AXDND1: variants seen among roughly 807,000 people sequenced by gnomAD.
AXDND1 encodes the protein axonemal dynein light chain domain-containing protein 1.
AXDND1 carries 110 observed loss-of-function variants against 137.5 expected under a neutral mutation model. The ratio of observed to expected loss-of-function variants is 0.80; its 90% CI spans 0.69 to 0.94. The LOEUF (loss-of-function observed/expected upper bound fraction) is 0.94. AXDND1 is among the 40% of genes least tolerant of loss of function. The pLI, the probability that AXDND1 is intolerant of heterozygous loss-of-function variation, is 0.00. For missense variants in AXDND1, 1,191 were observed against 1,169.8 expected, an observed-to-expected ratio of 1.02 and a Z score of -0.26; for synonymous variants, 414 against 399.7, an observed-to-expected ratio of 1.04 and a Z score of -0.43.
intron 23 of AXDND1, among the ~76,000 whole-genome samples, chr1:179,528,873 C>T (rs1572180331): frequency 6.6e-6 from 1 of 152,064 alleles, no homozygotes; most frequent in East Asian, 1.9e-4. Flanking sequence ...ACTGCAGACG[C>T]GAGCTATTGC....
intron 4 of AXDND1, among the ~76,000 whole-genome samples, chr1:179,371,719 G>A (rs531016365): frequency 6.6e-6 from 1 of 152,194 alleles, no homozygotes; most frequent in African/African-American, 2.4e-5. Flanking sequence ...GGGTCAGAGA[G>A]ATGAGAAAGG....
rs970163826 is a variant in AXDND1 at position 179,383,530 on chromosome 1, A to T, written c.727A>T (p.Thr243Ser). 6.2e-7 allele frequency: 1 copy of T among 1,613,262 alleles called. No individual in the cohort carries two copies. The highest frequency in any genetic ancestry group is 8.5e-7 in the Non-Finnish European group (1 of 1,179,302). The change falls in exon 8 of 26, where the codon ACA becomes TCA. Residue 243 changes from threonine to serine, a missense_variant. By Grantham distance (58) the Thr-to-Ser change is moderately conservative. Transcript: ENST00000367618. Reference sequence around the variant, plus strand: ...GGCTGGTGTGGAAAATCAGGAATATACAGGACCAACGAAGGTAATTGCAAA... The same window carrying T: ...GGCTGGTGTGGAAAATCAGGAATATTCAGGACCAACGAAGGTAATTGCAAA... ...ERAGVENQEY[T>S]GPTKMHKLLH...
At position 179,368,926 on chromosome 1, in the gene AXDND1, C is replaced by T; in HGVS notation, c.224C>T (p.Pro75Leu). Residue 75 changes from proline (P) to leucine (L), a missense_variant, in exon 3 of 26, where the codon CCT becomes CTT. Pro to Leu is a moderately conservative substitution (Grantham distance 98). Transcript: ENST00000367618. ...CTGACCTATGCGGCCAATGCTGGTC[C>T]TTGTCCTGAAAACTTACTACCTCCT... is the stretch of plus-strand genomic sequence containing the variant. Reference protein sequence around the residue: ...LSLTYAANAGPCPENLLPPKK... With the variant: ...LSLTYAANAGLCPENLLPPKK... The T allele has an allele frequency of 6.2e-7, 1 of 1,613,952 alleles. No individual in the cohort carries two copies. Among genetic ancestry groups the T allele is most frequent in the Non-Finnish European group, 8.5e-7 (1 of 1,179,904 alleles).
intron 9 of AXDND1, among the ~76,000 whole-genome samples, chr1:179,388,973 A>ATTTTTTTTTTTTTTTTT: frequency 1.3e-5 from 1 of 76,532 alleles, no homozygotes; most frequent in South Asian, 3.8e-4. Flanking sequence ...TCATTTTTAG[A>ATTTTTTTTTTTTTTTTT]TTCTTTTTTT....
chr1:179,393,441 G>T (rs1236643595), intron 9 of AXDND1, among the ~76,000 whole-genome samples: 4 of 151,904 alleles, frequency 2.6e-5, no homozygotes, highest in African/African-American at 7.3e-5. Context: ...TATTTCTTTG[G>T]CTATGTGGGG....
chr1:179,367,873 A>G (rs1178163210), intron 2 of AXDND1, among the ~76,000 whole-genome samples: 1 of 152,128 alleles, frequency 6.6e-6, no homozygotes, highest in Non-Finnish European at 1.5e-5. Flanking sequence ...TCATATGCGG[A>G]TCTGTACTAG....
chr1:179,536,360 C>G (rs1276070566), intron 25 of AXDND1, among the ~76,000 whole-genome samples: 1 of 152,166 alleles, frequency 6.6e-6, no homozygotes, highest in Non-Finnish European at 1.5e-5. Context: ...ACATTTAAGT[C>G]TTTAATCCAT....
intron 21 of AXDND1, among the ~76,000 whole-genome samples, chr1:179,510,361 A>T (rs1668918558): frequency 6.6e-6 from 1 of 152,200 alleles, no homozygotes; most frequent in Admixed American, 6.5e-5. Context: ...TATCAGAGTC[A>T]TACTATACAG....
intron 17 of AXDND1, among the ~76,000 whole-genome samples, chr1:179,480,989 T>TA (rs1200346905): frequency 2.6e-5 from 3 of 115,358 alleles, no homozygotes; most frequent in African/African-American, 8.3e-5. Context: ...ATTTTATATA[T>TA]TTTTTTAATT....
At chr1:179,490,249 C>T (rs1666719459) in intron 18 of AXDND1, among the ~76,000 whole-genome samples, 1 of 152,018 alleles carries the variant, frequency 6.6e-6, no homozygotes, top group Non-Finnish European at 1.5e-5. Context: ...CAAATTAGAG[C>T]CAGTGGAAAC....
At chr1:179,485,237 G>A (rs748459659) in intron 18 of AXDND1, among the ~76,000 whole-genome samples, 7 of 152,152 alleles carry the variant, frequency 4.6e-5, no homozygotes, top group Non-Finnish European at 7.3e-5. Flanking sequence ...AAACAAGCAC[G>A]GATCCCACTG....
intron 4 of AXDND1, among the ~76,000 whole-genome samples, chr1:179,376,953 A>T (rs1448796397): frequency 1.3e-5 from 2 of 151,782 alleles, no homozygotes; most frequent in African/African-American, 4.8e-5. Flanking sequence ...TTTTTTTGAG[A>T]TGGAGTCTCA....
intron 21 of AXDND1, among the ~76,000 whole-genome samples, chr1:179,519,602 A>G (rs756799323): frequency 2.0e-5 from 3 of 152,288 alleles, no homozygotes; most frequent in East Asian, 3.9e-4. Flanking sequence ...AGTTTTCTCC[A>G]TATGGCTATC....
intron 20 of AXDND1, among the ~76,000 whole-genome samples, chr1:179,505,647 C>CAA (rs796584155): frequency 3.6e-5 from 4 of 111,472 alleles, no homozygotes; most frequent in African/African-American, 9.9e-5. Context: ...AACTCCATCT[C>CAA]AAAAAAAAAA....
chr1:179,423,656 T>A (rs1283510204), intron 12 of AXDND1, among the ~76,000 whole-genome samples: 1 of 151,852 alleles, frequency 6.6e-6, no homozygotes, highest in African/African-American at 2.4e-5. Flanking sequence ...CAGGTTTTTT[T>A]AAAAAAAGAG....
At position 179,491,720 on chromosome 1, in the gene AXDND1, C is replaced by A; in HGVS notation, c.2274C>A (p.Tyr758Ter). The change falls in exon 19 of 26, where the codon TAC (tyrosine) becomes TAA (stop). Residue 758 changes from tyrosine to a stop codon, truncating the protein, a stop_gained. Coordinates refer to ENST00000367618, the MANE Select transcript of AXDND1 (RefSeq NM_144696.6). LOFTEE classifies it high-confidence loss of function. The part of the protein sequence containing the change: ...AIELTRKLYQ[Y>*]SSYLSSCCKG... ...AACTGACAAGGAAGTTGTACCAATA[C>A]TCCAGCTATTTGAGCAGGTGAAGCG... The A allele has an allele frequency of 6.4e-7, 1 of 1,564,998 alleles. No homozygotes were observed. The highest frequency in any genetic ancestry group is 8.6e-7 in the Non-Finnish European group (1 of 1,158,150).
chr1:179,375,956 C>T (rs550414317), intron 4 of AXDND1, among the ~76,000 whole-genome samples: 1 of 152,278 alleles, frequency 6.6e-6, no homozygotes, highest in Non-Finnish European at 1.5e-5. Flanking sequence ...CAGGATCTTC[C>T]TGGGACACTA....
intron 25 of AXDND1, chr1:179,546,226 C>A (rs980488404): frequency 6.6e-5 from 10 of 151,332 alleles, no homozygotes; most frequent in African/African-American, 2.4e-4. Flanking sequence ...GGACGCCTTG[C>A]GGTGCTCTTC....
chr1:179,425,186 CT>C (rs1295275559), intron 12 of AXDND1, among the ~76,000 whole-genome samples: 2 of 152,192 alleles, frequency 1.3e-5, no homozygotes, highest in Non-Finnish European at 2.9e-5. Context: ...GCTATTTTTG[CT>C]TAGCAAATCT....
Sources: allele counts gnomAD v4.1 joint callset (sites outside exome capture counted in the v4.1 genomes callset), GRCh38; gene constraint gnomAD v4.1.1; transcripts MANE v1.5; gene names NCBI Gene and HGNC (gene_info 2026-07-23, HGNC 2026-07-21).